Variants in NALF1 observed in about 807,000 individuals in gnomAD.
The protein encoded by NALF1 is NALCN channel auxiliary factor 1.
A neutral mutation model predicts 48.4 loss-of-function variants in NALF1; 3 were observed. The observed-to-expected ratio is 0.06, with a 90% CI of 0.03 to 0.16. The LOEUF (loss-of-function observed/expected upper bound fraction) is 0.16. Among genes scored for constraint, NALF1 ranks in the 10% least tolerant of loss-of-function variants. NALF1 has a pLI of 1.00. For synonymous variants in NALF1, 262 were observed against 245.7 expected (o/e 1.07, Z -0.62); for missense variants, 526 against 571.5 (o/e 0.92, Z 0.81).
chr13:107,458,977 T>A (rs9520453), intron 1 of NALF1, among the ~76,000 whole-genome samples: 1 of 151,686 alleles, frequency 6.6e-6, no homozygotes, highest in South Asian at 2.1e-4. Context: ...ACATCTGTTA[T>A]AATTGACGAC....
chr13:107,278,977 C>A (rs1160095998), intron 1 of NALF1, among the ~76,000 whole-genome samples: 1 of 151,220 alleles, frequency 6.6e-6, no homozygotes. Flanking sequence ...AAATGAATGT[C>A]ATCTATCCTT....
intron 1 of NALF1, among the ~76,000 whole-genome samples, chr13:107,689,753 T>C (rs1881524007): frequency 6.6e-6 from 1 of 152,228 alleles, no homozygotes; most frequent in Non-Finnish European, 1.5e-5. Flanking sequence ...TTGGTATGTG[T>C]AAGTGAATGA....
chr13:107,583,230 A>T (rs2138412007), intron 1 of NALF1, among the ~76,000 whole-genome samples: 1 of 152,144 alleles, frequency 6.6e-6, no homozygotes, highest in African/African-American at 2.4e-5. Flanking sequence ...TAAATATATA[A>T]TTTATAAATT....
chr13:107,398,053 T>G (rs1028142238), intron 1 of NALF1, among the ~76,000 whole-genome samples: 1 of 152,160 alleles, frequency 6.6e-6, no homozygotes, highest in African/African-American at 2.4e-5. Flanking sequence ...TAATAAGCAA[T>G]TCATACTTCA....
chr13:107,783,007 G>A (rs1877953572), intron 1 of NALF1, among the ~76,000 whole-genome samples: 3 of 148,170 alleles, frequency 2.0e-5, no homozygotes, highest in African/African-American at 7.5e-5. Context: ...CCCCGTCCGG[G>A]AGGGAGGTGG....
At chr13:107,348,408 C>T (rs9520397) in intron 1 of NALF1, among the ~76,000 whole-genome samples, 8,756 of 152,076 alleles carry the variant, frequency 0.058, 368 homozygotes, top group East Asian at 0.25. Context: ...ATTTAAAGTG[C>T]ATATAATGAA....
At chr13:107,521,970 C>T (rs1192829342) in intron 1 of NALF1, among the ~76,000 whole-genome samples, 1 of 151,896 alleles carries the variant, frequency 6.6e-6, no homozygotes, top group Non-Finnish European at 1.5e-5. Flanking sequence ...CAGAAACACA[C>T]ACTCACACAC....
chr13:107,696,873 T>C (rs887102837), intron 1 of NALF1, among the ~76,000 whole-genome samples: 7 of 152,196 alleles, frequency 4.6e-5, no homozygotes, highest in African/African-American at 1.7e-4. Context: ...CCTACATGCA[T>C]ACTTTTACAT....
At chr13:107,658,725 C>T (rs1247936660) in intron 1 of NALF1, among the ~76,000 whole-genome samples, 1 of 152,152 alleles carries the variant, frequency 6.6e-6, no homozygotes, top group Non-Finnish European at 1.5e-5. Context: ...TCTTTAACCT[C>T]ATTGAAGCCT....
intron 1 of NALF1, among the ~76,000 whole-genome samples, chr13:107,330,903 A>T (rs1232318987): frequency 6.6e-6 from 1 of 152,200 alleles, no homozygotes; most frequent in Admixed American, 6.5e-5. Flanking sequence ...CTTGTGCCAT[A>T]GCCTTTTTCT....
At chr13:107,329,612 T>C (rs1022187145) in intron 1 of NALF1, among the ~76,000 whole-genome samples, 4 of 151,804 alleles carry the variant, frequency 2.6e-5, no homozygotes, top group Non-Finnish European at 5.9e-5. Flanking sequence ...TAACTCGTCA[T>C]TTAACATTAG....
intron 1 of NALF1, among the ~76,000 whole-genome samples, chr13:107,473,102 A>C (rs1885126641): frequency 6.6e-6 from 1 of 152,150 alleles, no homozygotes; most frequent in Non-Finnish European, 1.5e-5. Context: ...TCCTGTATGA[A>C]GCTTTCTTTT....
intron 1 of NALF1, among the ~76,000 whole-genome samples, chr13:107,328,410 CT>C (rs1280704956): frequency 6.6e-6 from 1 of 152,038 alleles, no homozygotes; most frequent in East Asian, 1.9e-4. Context: ...TTAAAACAAA[CT>C]TTTCTTGTAC....
chr13:107,240,178 T>G (rs1357831792), intron 1 of NALF1, among the ~76,000 whole-genome samples: 1 of 152,132 alleles, frequency 6.6e-6, no homozygotes, highest in African/African-American at 2.4e-5. Flanking sequence ...GGAGATGGGA[T>G]TTTTAAAGAG....
chr13:107,426,043 G>A (rs1458785728), intron 1 of NALF1, among the ~76,000 whole-genome samples: 1 of 151,974 alleles, frequency 6.6e-6, no homozygotes, highest in African/African-American at 2.4e-5. Flanking sequence ...TTTTCCTCAG[G>A]ACCTTACTCG....
chr13:107,533,002 T>C (rs1876690629), intron 1 of NALF1, among the ~76,000 whole-genome samples: 2 of 152,208 alleles, frequency 1.3e-5, no homozygotes, highest in South Asian at 4.1e-4. Flanking sequence ...CATGCTAAGC[T>C]GGAAATTTAA....
chr13:107,676,426 A>G (rs1311876336), intron 1 of NALF1, among the ~76,000 whole-genome samples: 1 of 152,162 alleles, frequency 6.6e-6, no homozygotes, highest in Non-Finnish European at 1.5e-5. Context: ...CATAGGACAT[A>G]GTATAAAAAT....
At chr13:107,491,776 G>C (rs1164903523) in intron 1 of NALF1, among the ~76,000 whole-genome samples, 1 of 152,106 alleles carries the variant, frequency 6.6e-6, no homozygotes, top group Non-Finnish European at 1.5e-5. Flanking sequence ...GTAAATGTAA[G>C]ATGGTATAAA....
At chr13:107,263,832 T>C (rs1880985476) in intron 1 of NALF1, among the ~76,000 whole-genome samples, 1 of 152,168 alleles carries the variant, frequency 6.6e-6, no homozygotes, top group South Asian at 2.1e-4. Flanking sequence ...TATATCTCTT[T>C]CCTAGGAAAA....
Sources: gnomAD v4.1 joint callset for allele counts (sites outside exome capture counted in the v4.1 genomes callset) on GRCh38, gnomAD v4.1.1 for gene constraint, MANE v1.5 for transcripts, NCBI Gene and HGNC (gene_info 2026-07-23, HGNC 2026-07-21) for gene names.